The following AADACL3 variants were observed in gnomAD, a reference collection of about 807,000 sequenced individuals.
The protein encoded by AADACL3 is arylacetamide deacetylase like 3.
A neutral mutation model predicts 13.6 loss-of-function variants in AADACL3; 13 were observed. That is an observed-to-expected ratio of 0.95 (90% CI 0.62 to 1.52). The LOEUF is 1.52. AADACL3 is among the 40% of genes most tolerant of loss of function. The pLI is 0.00. For synonymous variants in AADACL3, 195 were observed against 197.0 expected (o/e 0.99, Z 0.08); for missense variants, 519 against 499.2 (o/e 1.04, Z -0.38).
chr1:12,718,228 TA>T (rs1428005570), intron 1 of AADACL3, among the ~76,000 whole-genome samples: 3 of 152,006 alleles, frequency 2.0e-5, no homozygotes, highest in African/African-American at 4.8e-5. Flanking sequence ...TTTATGTATT[TA>T]AAAATGTTCT....
intron 2 of AADACL3, 79 bp from the exon 3 acceptor site, chr1:12,720,804 T>G (rs1451648184): frequency 3.1e-6 from 4 of 1,276,834 alleles, no homozygotes; most frequent in Non-Finnish European, 4.5e-6. Context: ...CCAAGTGCTG[T>G]GTCTGTAGGA....
chr1:12,719,369 C>A, intron 1 of AADACL3, 106 bp from the exon 2 acceptor site: 1 of 1,082,840 alleles, frequency 9.2e-7, no homozygotes, highest in South Asian at 1.4e-5. Flanking sequence ...ACTGCAGTTT[C>A]CAAAAACTCC....
chr1:12,725,559 T>C lies in AADACL3; in HGVS notation c.787T>C (p.Trp263Arg). Reference protein sequence around the residue: ...FFQNLDFSSSWQEVIMKGAHL... With the variant: ...FFQNLDFSSSRQEVIMKGAHL... ...TCAAAACCTGGATTTCAGCTCCTCC[T>C]GGCAAGAGGTCATCATGAAAGGTGC... is the stretch of plus-strand genomic sequence containing the variant. Residue 263 changes from tryptophan (W) to arginine (R), a missense_variant, in exon 4 of 4, where the codon TGG becomes CGG. Physicochemically the swap from Trp to Arg is moderately radical, Grantham distance 101. Transcript: ENST00000359318. 6.2e-7 allele frequency: 1 copy of C among 1,614,166 alleles called. No individual in the cohort carries two copies. The highest frequency in any genetic ancestry group is 1.1e-5 in the South Asian group (1 of 91,082).
At chr1:12,721,037 G>A in intron 3 of AADACL3, 91 bp downstream of exon 3, 1 of 301,270 alleles carries the variant, frequency 3.3e-6, no homozygotes, top group East Asian at 9.6e-5. Context: ...GGTGGGGGGT[G>A]GGGGATGGGA....
In AADACL3 at chr1:12,727,666, T is replaced by C. The variant is rs1375830939; in HGVS notation, c.*1670T>C. ...ACTATGAGGCAGAGAGGAATCCCAT[T>C]GGGTGGCTCCTTGCTGCATTCGCAG... On this transcript the variant is annotated 3_prime_UTR_variant, in exon 4 of 4. Coordinates refer to ENST00000359318, the MANE Select transcript of AADACL3 (RefSeq NM_001103170.3). The C allele has an allele frequency of 1.3e-5, 2 of 152,262 alleles. No homozygotes were observed. The highest frequency in any genetic ancestry group is 2.9e-5 in the Non-Finnish European group (2 of 68,068). 9.4% of individuals were successfully genotyped at this position (152,262 alleles called of 1,614,324 possible).
intron 1 of AADACL3, 79 bp downstream of exon 1, chr1:12,716,423 T>G: frequency 3.2e-6 from 5 of 1,563,266 alleles, no homozygotes; most frequent in Non-Finnish European, 4.4e-6. Flanking sequence ...CGGAAGCTTC[T>G]AGCTGAATGA....
In AADACL3 at chr1:12,726,533, G is replaced by C. The variant is rs1032518325; in HGVS notation, c.*537G>C. On this transcript the variant is annotated 3_prime_UTR_variant, in exon 4 of 4. Coordinates refer to ENST00000359318, the MANE Select transcript of AADACL3 (RefSeq NM_001103170.3). ...GTGAACAGTAGTGACTTTTCCCGCTGTTTCTCAGCCTCTGGGATCAGAGTC... is the reference window on the plus strand; with the variant it reads ...GTGAACAGTAGTGACTTTTCCCGCTCTTTCTCAGCCTCTGGGATCAGAGTC... 2 of 153,236 alleles carry C rather than the reference G, an allele frequency of 1.3e-5. No individual in the cohort carries two copies. Among genetic ancestry groups the C allele is most frequent in the African/African-American group, 2.4e-5 (1 of 41,444 alleles). The allele number at this position is 153,236 out of a possible 1,614,324, so 9.5% of individuals were successfully genotyped here. A position where few individuals can be genotyped will look rare whatever the true frequency, so the allele number is the denominator to read the frequency against.
At position 12,720,914 on chromosome 1, in the gene AADACL3, C is replaced by T. The variant is rs1263839324; in HGVS notation, c.417C>T (p.Cys139=). The T allele has an allele frequency of 2.5e-6, 4 of 1,611,834 alleles. No individual in the cohort carries two copies. Among genetic ancestry groups the T allele is most frequent in the South Asian group, 1.1e-5 (1 of 91,062 alleles). Residue 139 remains cysteine, a synonymous_variant, in exon 3 of 4, where the codon TGC becomes TGT. Coordinates refer to ENST00000359318, the MANE Select transcript of AADACL3 (RefSeq NM_001103170.3). ...ACCATGGCATATGCTCTCGTTTGTG[C>T]AAGGAGAGTGACTCCGTGGTTCTGG... ...KTHHGICSRL[C]KESDSVVLAV...
chr1:12,722,727 C>T (rs1158859904), intron 3 of AADACL3, among the ~76,000 whole-genome samples: 1 of 150,314 alleles, frequency 6.7e-6, no homozygotes, highest in Non-Finnish European at 1.5e-5. Flanking sequence ...AAATAGTGAA[C>T]TTTCTCACAA....
chr1:12,720,809 G>A, intron 2 of AADACL3, 74 bp from the exon 3 acceptor site: 1 of 1,357,840 alleles, frequency 7.4e-7, no homozygotes, highest in Non-Finnish European at 1.0e-6. Flanking sequence ...TGCTGTGTCT[G>A]TAGGAAGAAG....
rs760247606 is a variant in AADACL3 at position 12,725,483 on chromosome 1, G to T, written c.711G>T (p.Gln237His). Residue 237 changes from glutamine (Q) to histidine (H), a missense_variant, in exon 4 of 4, where the codon CAG becomes CAT. Transcript: ENST00000359318. ...ATTTACAAACCCCTTCGTTTCAACAGAGGAAAAACATCCCACTGCTCACCT... is the reference window on the plus strand; with the variant it reads ...ATTTACAAACCCCTTCGTTTCAACATAGGAAAAACATCCCACTGCTCACCT... Reference protein sequence around the residue: ...ALDLQTPSFQQRKNIPLLTWS... With the variant: ...ALDLQTPSFQHRKNIPLLTWS... 1 of 1,614,064 alleles carries T rather than the reference G, an allele frequency of 6.2e-7. No homozygotes were observed. Among genetic ancestry groups the T allele is most frequent in the Non-Finnish European group, 8.5e-7 (1 of 1,180,004 alleles).
intron 1 of AADACL3, among the ~76,000 whole-genome samples, chr1:12,716,678 T>G (rs1372152156): frequency 6.6e-6 from 1 of 152,252 alleles, no homozygotes; most frequent in Non-Finnish European, 1.5e-5. Flanking sequence ...TTTTTAAAAT[T>G]GAGGTAAAAT....
rs371610114 is a variant in AADACL3 at position 12,716,662 on chromosome 1, G to A, written c.168+318G>A. 3.5e-3 allele frequency among the ~76,000 whole-genome samples: 533 copies of A among 152,252 alleles called. 4 individuals carry two copies. Among genetic ancestry groups the A allele is most frequent in the African/African-American group, 0.012 (513 of 41,546 alleles). ...ACTTTCTTTTTGTTGTTGTTGGTTT[G>A]TTTTATTTTTAAAATTGAGGTAAAA... On this transcript the variant is annotated intron_variant, in intron 1 of 3. Transcript: ENST00000359318.
rs759843549 is a variant in AADACL3 at position 12,719,695 on chromosome 1, A to G, written c.385+4A>G. Reference sequence around the variant, plus strand: ...GGGGGCGTCATGGGGAGTTTGAGTAAGAACCATTTTCTCAGACCTCCTAAA... The same window carrying G: ...GGGGGCGTCATGGGGAGTTTGAGTAGGAACCATTTTCTCAGACCTCCTAAA... On this transcript the variant is annotated splice_donor_region_variant and intron_variant, in intron 2 of 3. Coordinates refer to ENST00000359318, the MANE Select transcript of AADACL3 (RefSeq NM_001103170.3). 1 of 1,613,154 alleles carries G rather than the reference A, an allele frequency of 6.2e-7. No homozygotes were observed. Among genetic ancestry groups the G allele is most frequent in the African/African-American group, 1.3e-5 (1 of 75,016 alleles).
Position 12,716,343 on chromosome 1 carries a change from G to T in AADACL3, c.167G>T (p.Trp56Leu). 6.2e-7 allele frequency: 1 copy of T among 1,614,166 alleles called. No individual in the cohort carries two copies. Among genetic ancestry groups the T allele is most frequent in the South Asian group, 1.1e-5 (1 of 91,086 alleles). Residue 56 changes from tryptophan (W) to leucine (L), a missense_variant and splice_region_variant, in exon 1 of 4, where the codon TGG becomes TTG. Physicochemically the swap from Trp to Leu is moderately conservative, Grantham distance 61 (BLOSUM62 -2). Transcript: ENST00000359318. Reference protein sequence around the residue: ...LHCIFQLLLTWGMIFEKLRIC... With the variant: ...LHCIFQLLLTLGMIFEKLRIC... Reference sequence around the variant, plus strand: ...TGCATCTTCCAGCTGCTGTTGACTTGGGTGAGTTTTGTGCTTTATGTGTCC... The same window carrying T: ...TGCATCTTCCAGCTGCTGTTGACTTTGGTGAGTTTTGTGCTTTATGTGTCC...
At chr1:12,717,432 C>T (rs1026542170) in intron 1 of AADACL3, among the ~76,000 whole-genome samples, 1 of 152,218 alleles carries the variant, frequency 6.6e-6, no homozygotes, top group Non-Finnish European at 1.5e-5. Flanking sequence ...GAATAACCCT[C>T]TCCAGAAGGC....
chr1:12,719,439 C>T (rs1181986954), intron 1 of AADACL3, 36 bp from the exon 2 acceptor site: 1 of 1,588,774 alleles, frequency 6.3e-7, no homozygotes, highest in South Asian at 1.1e-5. Flanking sequence ...TGTGAAGAAA[C>T]CCATCTCGAC....
At position 12,716,320 on chromosome 1, in the gene AADACL3, C is replaced by G. The variant is rs1189783351; in HGVS notation, c.144C>G (p.Cys48Trp). 1.2e-6 allele frequency: 2 copies of G among 1,614,224 alleles called. No individual in the cohort carries two copies. Among genetic ancestry groups the G allele is most frequent in the Non-Finnish European group, 1.7e-6 (2 of 1,180,028 alleles). Residue 48 changes from cysteine to tryptophan, a missense_variant, in exon 1 of 4, where the codon TGC (cysteine) becomes TGG (tryptophan). Physicochemically the swap from Cys to Trp is radical, Grantham distance 215. Transcript: ENST00000359318. ...GHPVKLRVLH[C>W]IFQLLLTWGM... The stretch of plus-strand genomic sequence containing the variant: ...CTGTGAAACTGAGAGTCCTCCATTG[C>G]ATCTTCCAGCTGCTGTTGACTTGGG...
At chr1:12,717,125 A>C (rs1190793127) in intron 1 of AADACL3, among the ~76,000 whole-genome samples, 2 of 152,312 alleles carry the variant, frequency 1.3e-5, no homozygotes, top group East Asian at 3.9e-4. Flanking sequence ...TACATAACGA[A>C]AAGCAATTGC....
Sources: allele counts gnomAD v4.1 joint callset (sites outside exome capture counted in the v4.1 genomes callset), GRCh38; gene constraint gnomAD v4.1.1; transcripts MANE v1.5; gene names NCBI Gene and HGNC (gene_info 2026-07-23, HGNC 2026-07-21).